Variants in MUC15 observed in about 807,000 individuals in gnomAD.
The protein encoded by MUC15 is mucin-15.
MUC15 carries 23 observed loss-of-function variants against 24.0 expected under a neutral mutation model. That is an observed-to-expected ratio of 0.96 (90% CI 0.69 to 1.36). The LOEUF (loss-of-function observed/expected upper bound fraction) is 1.36, where lower values mean the gene tolerates loss of function less well. MUC15 is among the 40% of genes most tolerant of loss of function. The pLI is 0.00. For synonymous variants in MUC15, 151 were observed against 156.3 expected (o/e 0.97, Z 0.25); for missense variants, 442 against 428.2 (o/e 1.03, Z -0.29).
chr11:26,571,679 C>G (rs1049586921), intron 1 of MUC15, among the ~76,000 whole-genome samples: 7 of 152,118 alleles, frequency 4.6e-5, no homozygotes, highest in Non-Finnish European at 7.4e-5. Context: ...TATATTCATG[C>G]TGCCACTTCC....
intron 1 of MUC15, among the ~76,000 whole-genome samples, chr11:26,570,386 A>G (rs1340993111): frequency 2.0e-5 from 3 of 152,118 alleles, no homozygotes; most frequent in African/African-American, 7.2e-5. Flanking sequence ...GCTTCCTTTT[A>G]AATGCATAAA....
At chr11:26,563,759 C>G (rs1376030477) in intron 3 of MUC15, among the ~76,000 whole-genome samples, 4 of 151,758 alleles carry the variant, frequency 2.6e-5, no homozygotes, top group African/African-American at 9.7e-5. Flanking sequence ...ATCAGTGTAT[C>G]CTGATAGAAG....
chr11:26,565,205 A>T lies in MUC15; in HGVS notation c.735T>A (p.Asn245Lys), dbSNP rs552934625. The change falls in exon 3 of 5, where the codon AAT becomes AAA. Residue 245 changes from asparagine to lysine, a missense_variant. Asn to Lys is a moderately conservative substitution (Grantham distance 94). Coordinates refer to ENST00000529533, the MANE Select transcript of MUC15 (RefSeq NM_001135091.2). ...TTLQPTLKFT[N>K]NSKLFPNTSD... ...ACGTATTTGGAAAGAGTTTTGAATT[A>T]TTGGTGAATTTTAAGGTAGGCTGTA... The T allele has an allele frequency of 2.4e-4, 363 of 1,509,038 alleles. 5 individuals are homozygous for T. The South Asian group carries it at 4.6e-3, about 19-fold the overall frequency. 93.5% of individuals were successfully genotyped at this position (1,509,038 alleles called of 1,614,324 possible).
intron 4 of MUC15, among the ~76,000 whole-genome samples, chr11:26,562,630 C>A (rs2134253517): frequency 6.6e-6 from 1 of 151,816 alleles, no homozygotes; most frequent in South Asian, 2.1e-4. Flanking sequence ...TGCAAATATG[C>A]AACTTTTAGA....
rs1850363122 is a variant in MUC15 at position 26,563,173 on chromosome 11, T to C, written c.868A>G (p.Lys290Glu). ...TGGGAAAATGAATCCGTTTTCCTTT[T>C]TCCACACAACAAGTAGCCCACAAGA... Reference protein sequence around the residue: ...LTLVGYLLCGKRKTDSFSHRR... With the variant: ...LTLVGYLLCGERKTDSFSHRR... Residue 290 changes from lysine (K) to glutamate (E), a missense_variant, in exon 4 of 5, where the codon AAA becomes GAA. Coordinates refer to ENST00000529533, the MANE Select transcript of MUC15 (RefSeq NM_001135091.2). The C allele has an allele frequency of 3.7e-6, 6 of 1,612,564 alleles. No individual in the cohort carries two copies. The highest frequency in any genetic ancestry group is 5.1e-6 in the Non-Finnish European group (6 of 1,179,022).
At chr11:26,561,508 A>T (rs1001275713) in intron 4 of MUC15, among the ~76,000 whole-genome samples, 52 of 152,144 alleles carry the variant, frequency 3.4e-4, no homozygotes, top group African/African-American at 1.3e-3. Context: ...CCTTGCATAA[A>T]GAAGTGTAGA....
chr11:26,565,055 T>G, intron 3 of MUC15, 110 bp downstream of exon 3: 1 of 1,093,966 alleles, frequency 9.1e-7, no homozygotes, highest in Non-Finnish European at 1.3e-6. Context: ...ATCCATGCTA[T>G]TGTGTTCTCT....
In MUC15 at chr11:26,559,688, T is replaced by C; in HGVS notation, c.*1377A>G. 6.6e-7 allele frequency: 1 copy of C among 1,522,694 alleles called. No individual in the cohort carries two copies. The highest frequency in any genetic ancestry group is 9.1e-7 in the Non-Finnish European group (1 of 1,097,446). The allele number at this position is 1,522,694 out of a possible 1,614,324, so 94.3% of individuals were successfully genotyped here. A position where few individuals can be genotyped will look rare whatever the true frequency, so the allele number is the denominator to read the frequency against. The stretch of plus-strand genomic sequence containing the variant: ...ACTGGCTTATTATAATCAATTTGCA[T>C]GACTAATATTTCTGTTTGTTTTCTA... On this transcript the variant is annotated 3_prime_UTR_variant, in exon 5 of 5. Coordinates refer to ENST00000529533, the MANE Select transcript of MUC15 (RefSeq NM_001135091.2).
At chr11:26,567,455 GGTCTACA>G (rs1270640059) in intron 1 of MUC15, among the ~76,000 whole-genome samples, 1 of 151,612 alleles carries the variant, frequency 6.6e-6, no homozygotes. Context: ...TTTTCATTAG[GGTCTACA>G]GAGCTTCTAA....
rs201218745 is a variant in MUC15 at position 26,561,204 on chromosome 11, G to A, written c.947C>T (p.Pro316Leu). The change falls in exon 5 of 5, where the codon CCG becomes CTG. Residue 316 changes from proline (P) to leucine (L), a missense_variant. Coordinates refer to ENST00000529533, the MANE Select transcript of MUC15 (RefSeq NM_001135091.2). ...CCCAAAACTCACATCATAAGGTTCC[G>A]GTGCATTGTCTAATCGCAGAACTAA... ...NEPVLRLDNA[P>L]EPYDVSFGNS... 1,115 of 1,609,494 alleles carry A rather than the reference G, an allele frequency of 6.9e-4. 16 individuals carry two copies. The South Asian group carries it at 0.01, about 15-fold the overall frequency.
chr11:26,564,732 CATATATATATATATATATATATATATAT>C (rs66510170), intron 3 of MUC15, among the ~76,000 whole-genome samples: 80 of 25,410 alleles, frequency 3.1e-3, no homozygotes, highest in South Asian at 6.3e-3. Flanking sequence ...CACACACACA[CATATATATATATATATATATATATATAT>C]ATATATATAT....
rs1177723408 is a variant in MUC15, at chr11:26,565,395, T to C, written c.545A>G (p.Asn182Ser). The change falls in exon 3 of 5, where the codon AAT becomes AGT. Residue 182 changes from asparagine to serine, a missense_variant. Physicochemically the swap from Asn to Ser is conservative, Grantham distance 46. Coordinates refer to ENST00000529533, the MANE Select transcript of MUC15 (RefSeq NM_001135091.2). ...GTTATCAGGAGTTTTCACGGTGTCA[T>C]TGACCAAAGACCAAGTGAAGTTTTC... The part of the protein sequence containing the change: ...SSENFTWSLV[N>S]DTVKTPDNSS... 1.9e-6 allele frequency: 3 copies of C among 1,613,254 alleles called. No homozygotes were observed. The highest frequency in any genetic ancestry group is 2.2e-5 in the South Asian group (2 of 91,060).
At chr11:26,565,114 T>C (rs1446490505) in intron 3 of MUC15, 51 bp downstream of exon 3, 3 of 1,475,628 alleles carry the variant, frequency 2.0e-6, no homozygotes, top group Non-Finnish European at 2.7e-6. Flanking sequence ...GCATGACTTA[T>C]TTGGAATTTC....
At chr11:26,569,439 C>T (rs1328095373) in intron 1 of MUC15, among the ~76,000 whole-genome samples, 1 of 152,040 alleles carries the variant, frequency 6.6e-6, no homozygotes, top group Non-Finnish European at 1.5e-5. Flanking sequence ...GCCTCTGCTG[C>T]CTGGCTTCTA....
Position 26,565,277 on chromosome 11 carries a change from G to C in MUC15, c.663C>G (p.Asn221Lys). ...GGGTAAACCCAGTGAAGCTATCACT[G>C]TTTGTGGTAAGCCATCCACTTGGTT... ...IVEPSGWLTTNSDSFTGFTPY... is the reference protein window; with the variant it reads ...IVEPSGWLTTKSDSFTGFTPY... The change falls in exon 3 of 5, where the codon AAC becomes AAG. Residue 221 changes from asparagine (N) to lysine (K), a missense_variant. Transcript: ENST00000529533. The C allele has an allele frequency of 6.2e-7, 1 of 1,604,892 alleles. No individual in the cohort carries two copies. The highest frequency in any genetic ancestry group is 8.5e-7 in the Non-Finnish European group (1 of 1,174,694).
intron 4 of MUC15, among the ~76,000 whole-genome samples, chr11:26,562,707 G>A (rs1441522222): frequency 6.6e-6 from 1 of 151,762 alleles, no homozygotes; most frequent in East Asian, 1.9e-4. Flanking sequence ...AACTTTAAAA[G>A]AGCTCCAAAT....
At position 26,559,901 on chromosome 11, in the gene MUC15, T is replaced by A; in HGVS notation, c.*1164A>T. 1 of 739,656 alleles carries A rather than the reference T, an allele frequency of 1.4e-6. No homozygotes were observed. The highest frequency in any genetic ancestry group is 2.1e-5 in the Admixed American group (1 of 48,238). The allele number at this position is 739,656 out of a possible 1,614,324, so 45.8% of individuals were successfully genotyped here. A position where few individuals can be genotyped will look rare whatever the true frequency, so the allele number is the denominator to read the frequency against. On this transcript the variant is annotated 3_prime_UTR_variant, in exon 5 of 5. Coordinates refer to ENST00000529533, the MANE Select transcript of MUC15 (RefSeq NM_001135091.2). ...CATGAATCAATTCAAAAATAAAGCC[T>A]CTAGGTTGGTACTTGATTTGTTTGC...
intron 1 of MUC15, among the ~76,000 whole-genome samples, chr11:26,568,878 T>C (rs554506942): frequency 6.6e-6 from 1 of 152,222 alleles, no homozygotes; most frequent in Admixed American, 6.6e-5. Context: ...CTTTTCATTA[T>C]CTACGGCATG....
chr11:26,563,113 TA>T lies in MUC15; in HGVS notation c.925+2del, dbSNP rs766772885. 4.2e-5 allele frequency: 68 copies of T among 1,611,076 alleles called. No homozygotes were observed. The highest frequency in any genetic ancestry group is 5.1e-5 in the Non-Finnish European group (60 of 1,178,388). ...CAGGTGAAGTATTGAAAATAGATTT[TA>T]CCTGGTTCATTTCTGTCGTCATAAA... On this transcript the variant is annotated splice_donor_variant, in intron 4 of 4. Transcript: ENST00000529533. LOFTEE classifies it high-confidence loss of function.
Sources: gnomAD v4.1 joint callset for allele counts (sites outside exome capture counted in the v4.1 genomes callset) on GRCh38, gnomAD v4.1.1 for gene constraint, MANE v1.5 for transcripts, NCBI Gene and HGNC (gene_info 2026-07-23, HGNC 2026-07-21) for gene names.